ETV6: variants seen among roughly 807,000 people sequenced by gnomAD.
The protein encoded by ETV6 is ETS variant transcription factor 6.
Under a neutral mutation model 51.1 loss-of-function variants are expected in ETV6, and 16 were observed. That is an observed-to-expected ratio of 0.31 (90% confidence interval 0.21 to 0.48). The LOEUF (loss-of-function observed/expected upper bound fraction) is 0.48, where lower values mean the gene tolerates loss of function less well. Ranked by LOEUF, ETV6 falls within the 20% of genes least tolerant of loss-of-function variation. The pLI is 0.99. For missense variants in ETV6, 458 were observed against 594.8 expected (o/e 0.77, Z 2.39); for synonymous variants, 240 against 224.1 (o/e 1.07, Z -0.64).
chr12:11,879,907 G>C (rs1207937966), intron 5 of ETV6, among the ~76,000 whole-genome samples: 1 of 151,748 alleles, frequency 6.6e-6, no homozygotes, highest in Non-Finnish European at 1.5e-5. Context: ...CGAAAAGGCT[G>C]AAAAATTCCA....
intron 2 of ETV6, among the ~76,000 whole-genome samples, chr12:11,763,296 C>T (rs998706899): frequency 3.3e-5 from 5 of 152,128 alleles, no homozygotes; most frequent in Non-Finnish European, 5.9e-5. Context: ...AAGCATTTTT[C>T]GTGGGGGCTC....
Position 11,710,220 on chromosome 12 carries a change from T to C in ETV6, c.34-42230T>C, listed in dbSNP as rs529859975. Among the ~76,000 whole-genome samples, 18 of 152,218 alleles carry C rather than the reference T, an allele frequency of 1.2e-4. No homozygotes were observed. In the South Asian group the frequency reaches 3.7e-3, roughly 32 times the overall value. ...TATTCTGTCCCCTCCCAAAGCTCCGTGGCTTTCTCTGGTCATTCAGAGACC... is the reference window on the plus strand; with the variant it reads ...TATTCTGTCCCCTCCCAAAGCTCCGCGGCTTTCTCTGGTCATTCAGAGACC... On this transcript the variant is annotated intron_variant, in intron 1 of 7. Transcript: ENST00000396373.
At chr12:11,740,543 G>A (rs781183481) in intron 1 of ETV6, among the ~76,000 whole-genome samples, 7 of 150,534 alleles carry the variant, frequency 4.7e-5, no homozygotes, top group Non-Finnish European at 1.0e-4. Flanking sequence ...AGATATTAAA[G>A]CCATATTCAT....
chr12:11,683,178 G>T (rs1160042956), intron 1 of ETV6, among the ~76,000 whole-genome samples: 1 of 152,154 alleles, frequency 6.6e-6, no homozygotes, highest in Non-Finnish European at 1.5e-5. Context: ...CAAATAGTGG[G>T]GATTACAGGC....
At chr12:11,754,766 C>T (rs1944984100) in intron 2 of ETV6, among the ~76,000 whole-genome samples, 1 of 152,224 alleles carries the variant, frequency 6.6e-6, no homozygotes, top group African/African-American at 2.4e-5. Flanking sequence ...TGCTTACCAG[C>T]ATTTTGGTAG....
intron 1 of ETV6, among the ~76,000 whole-genome samples, chr12:11,725,060 CCCA>C (rs1865463456): frequency 6.6e-6 from 1 of 152,136 alleles, no homozygotes; most frequent in Non-Finnish European, 1.5e-5. Context: ...TGCCCACTTC[CCCA>C]TCAGCTTCAC....
Position 11,894,586 on chromosome 12 carries a change from T to C in ETV6, c.*3540T>C. On this transcript the variant is annotated 3_prime_UTR_variant, in exon 8 of 8. Coordinates refer to ENST00000396373, the MANE Select transcript of ETV6 (RefSeq NM_001987.5). ...CCTCTGATCCAATGTCTTTTGATAC[T>C]GATCTCTTGTCCAAATGAGAATGTC... is the stretch of plus-strand genomic sequence containing the variant. 4.3e-6 allele frequency: 1 copy of C among 233,318 alleles called. No homozygotes were observed. Among genetic ancestry groups the C allele is most frequent in the Non-Finnish European group, 8.5e-6 (1 of 118,040 alleles). The allele number at this position is 233,318 out of a possible 1,614,324, so 14.5% of individuals were successfully genotyped here.
intron 1 of ETV6, among the ~76,000 whole-genome samples, chr12:11,676,672 A>C (rs1217815212): frequency 6.6e-6 from 1 of 152,040 alleles, no homozygotes; most frequent in African/African-American, 2.4e-5. Flanking sequence ...CCCTCATGAC[A>C]TCCGTTTTGA....
chr12:11,669,874 G>A (rs367695409), intron 1 of ETV6, among the ~76,000 whole-genome samples: 76 of 152,130 alleles, frequency 5.0e-4, no homozygotes, highest in African/African-American at 1.6e-3. Flanking sequence ...AGGATGTGCC[G>A]AAATGAGATC....
chr12:11,653,168 A>G (rs1424508611), intron 1 of ETV6, among the ~76,000 whole-genome samples: 2 of 152,230 alleles, frequency 1.3e-5, no homozygotes, highest in Non-Finnish European at 2.9e-5. Context: ...CTCTATAAAA[A>G]GTCAAATTGT....
At chr12:11,861,252 GCA>G (rs1946712143) in intron 4 of ETV6, among the ~76,000 whole-genome samples, 1 of 152,170 alleles carries the variant, frequency 6.6e-6, no homozygotes, top group African/African-American at 2.4e-5. Context: ...CTCCCTGGGA[GCA>G]GGGCCCACGA....
At position 11,885,958 on chromosome 12, in the gene ETV6, C is replaced by T; in HGVS notation, c.1185C>T (p.Ser395=). Residue 395 remains serine (S), a synonymous_variant, in exon 7 of 8, where the codon TCC becomes TCT. Transcript: ENST00000396373. The part of the protein sequence containing the change: ...NRTNMTYEKM[S]RALRHYYKLN... ...CAAACATGACCTATGAGAAAATGTC[C>T]AGAGCCCTGCGCCACTACTACAAAC... is the stretch of plus-strand genomic sequence containing the variant. 1.2e-6 allele frequency: 2 copies of T among 1,613,976 alleles called. No individual in the cohort carries two copies. The highest frequency in any genetic ancestry group is 1.7e-6 in the Non-Finnish European group (2 of 1,179,874).
At chr12:11,695,300 A>T (rs1565489279) in intron 1 of ETV6, among the ~76,000 whole-genome samples, 1 of 152,216 alleles carries the variant, frequency 6.6e-6, no homozygotes, top group Non-Finnish European at 1.5e-5. Context: ...AATGGCATGG[A>T]GAAAGTTGGA....
At chr12:11,839,380 C>A in intron 3 of ETV6, 76 bp downstream of exon 3, 2 of 1,424,878 alleles carry the variant, frequency 1.4e-6, no homozygotes, top group Admixed American at 2.1e-5. Context: ...ACACCCCTCA[C>A]CCGGCCCAAG....
chr12:11,661,201 A>G (rs939922293), intron 1 of ETV6, among the ~76,000 whole-genome samples: 4 of 151,926 alleles, frequency 2.6e-5, no homozygotes, highest in Non-Finnish European at 5.9e-5. Flanking sequence ...TTTGTTGCCC[A>G]GGTTGCTCTC....
intron 5 of ETV6, among the ~76,000 whole-genome samples, chr12:11,875,053 AAAAG>A (rs964074545): frequency 2.6e-5 from 4 of 152,238 alleles, no homozygotes; most frequent in African/African-American, 9.6e-5. Context: ...AATTAAAAAA[AAAAG>A]ATACATGCAA....
chr12:11,830,545 A>T (rs913415010), intron 2 of ETV6, among the ~76,000 whole-genome samples: 4 of 152,232 alleles, frequency 2.6e-5, no homozygotes, highest in African/African-American at 9.6e-5. Context: ...CACAGAGCTG[A>T]GTGTCCTGAC....
At chr12:11,840,366 T>C in intron 3 of ETV6, 1 of 454,038 alleles carries the variant, frequency 2.2e-6, no homozygotes, top group Non-Finnish European at 4.4e-6. Context: ...GGGAACTACA[T>C]ATGTCAAAGG....
chr12:11,751,338 C>T (rs953072868), intron 1 of ETV6: 2 of 518,676 alleles, frequency 3.9e-6, no homozygotes, highest in African/African-American at 3.9e-5. Context: ...TTCTTTTGCT[C>T]TTGAGTTTTA....
Sources: gnomAD v4.1 joint callset for allele counts (sites outside exome capture counted in the v4.1 genomes callset) on GRCh38, gnomAD v4.1.1 for gene constraint, MANE v1.5 for transcripts, NCBI Gene and HGNC (gene_info 2026-07-23, HGNC 2026-07-21) for gene names.